The following TSPAN33 variants were observed in gnomAD, a reference collection of about 807,000 sequenced individuals.
The protein encoded by TSPAN33 is tetraspanin-33.
A neutral mutation model predicts 34.8 loss-of-function variants in TSPAN33; 27 were observed. The ratio of observed to expected loss-of-function variants is 0.78; its 90% CI spans 0.57 to 1.07. The LOEUF (loss-of-function observed/expected upper bound fraction) is 1.07, where lower values mean the gene tolerates loss of function less well. Among genes scored for constraint, TSPAN33 ranks in the 50% least tolerant of loss-of-function variants. The pLI is 0.00. For missense variants in TSPAN33, 272 were observed against 324.9 expected, an observed-to-expected ratio of 0.84 and a Z score of 1.25; for synonymous variants, 119 against 124.2, an observed-to-expected ratio of 0.96 and a Z score of 0.28.
rs1793169605 is a variant in TSPAN33, at chr7:129,167,933, T to G, written c.*59T>G. 6.3e-7 allele frequency: 1 copy of G among 1,590,264 alleles called. No individual in the cohort carries two copies. Among genetic ancestry groups the G allele is most frequent in the South Asian group, 1.1e-5 (1 of 87,856 alleles). On this transcript the variant is annotated 3_prime_UTR_variant, in exon 8 of 8. Transcript: ENST00000486685. This position sits in a 1 kb window ranked among gnomAD's most constrained non-coding sequence, Gnocchi z 4.6. ...GGCAAGCCTCATAAACGAACAGCAGTGGGTGCTGAAAGCAGCACCAAATGG... is the reference window on the plus strand; with the variant it reads ...GGCAAGCCTCATAAACGAACAGCAGGGGGTGCTGAAAGCAGCACCAAATGG...
At chr7:129,151,601 T>C (rs1810594451) in intron 1 of TSPAN33, among the ~76,000 whole-genome samples, 2 of 152,184 alleles carry the variant, frequency 1.3e-5, no homozygotes, top group South Asian at 4.1e-4. Context: ...TGGGCTAGAA[T>C]AAGGGTTTCT....
chr7:129,164,181 C>G (rs1029614590), intron 4 of TSPAN33, among the ~76,000 whole-genome samples: 1 of 152,140 alleles, frequency 6.6e-6, no homozygotes, highest in Non-Finnish European at 1.5e-5. Flanking sequence ...TTTTATCAGT[C>G]AACAAGTATT....
chr7:129,150,251 G>A (rs1219875400), intron 1 of TSPAN33, among the ~76,000 whole-genome samples: 1 of 152,190 alleles, frequency 6.6e-6, no homozygotes, highest in Non-Finnish European at 1.5e-5. Flanking sequence ...CCTGCTGGTG[G>A]CCCCACTGTG....
At chr7:129,152,860 A>G (rs558476283) in intron 1 of TSPAN33, among the ~76,000 whole-genome samples, 1 of 152,010 alleles carries the variant, frequency 6.6e-6, no homozygotes, top group East Asian at 1.9e-4. Flanking sequence ...GGAGTTCGAG[A>G]CCACCATGAC....
In TSPAN33 at chr7:129,165,226, C is replaced by T. The variant is rs1360314466; in HGVS notation, c.459+657C>T. Among the ~76,000 whole-genome samples the T allele has an allele frequency of 6.6e-6, 1 of 152,178 alleles. No homozygotes were observed. The highest frequency in any genetic ancestry group is 1.5e-5 in the Non-Finnish European group (1 of 68,034). On this transcript the variant is annotated intron_variant, in intron 5 of 7. Coordinates refer to ENST00000486685, the MANE Select transcript of TSPAN33 (RefSeq NM_178562.5). The surrounding 1 kb of genome is among the most constrained non-coding windows in gnomAD (Gnocchi z 4.5). ...ACTCTGTATCCATCAAACACTAACT[C>T]CCCATTTTCCTCTCTTGAAACTTTG...
At chr7:129,145,791 G>A (rs1195693956) in intron 1 of TSPAN33, among the ~76,000 whole-genome samples, 1 of 151,556 alleles carries the variant, frequency 6.6e-6, no homozygotes, top group East Asian at 2.0e-4. Context: ...CTGGGACTCC[G>A]GACACCTGGA....
rs1445726318 is a variant in TSPAN33 at position 129,148,376 on chromosome 7, C to T, written c.102+3294C>T. On this transcript the variant is annotated intron_variant, in intron 1 of 7. Coordinates refer to ENST00000486685, the MANE Select transcript of TSPAN33 (RefSeq NM_178562.5). This position sits in a 1 kb window ranked among gnomAD's most constrained non-coding sequence, Gnocchi z 4.2. Reference sequence around the variant, plus strand: ...CAATTGTGTTTACTTCTCCGTCTCCCCCTCTAGACTTCGGGCTCTCGAGGG... The same window carrying T: ...CAATTGTGTTTACTTCTCCGTCTCCTCCTCTAGACTTCGGGCTCTCGAGGG... Among the ~76,000 whole-genome samples, 1 of 152,224 alleles carries T rather than the reference C, an allele frequency of 6.6e-6. No individual in the cohort carries two copies. Among genetic ancestry groups the T allele is most frequent in the Non-Finnish European group, 1.5e-5 (1 of 68,048 alleles).
intron 6 of TSPAN33, 83 bp downstream of exon 6, chr7:129,166,989 C>T (rs1319486925): frequency 6.7e-7 from 1 of 1,487,834 alleles, no homozygotes; most frequent in Non-Finnish European, 9.2e-7. Flanking sequence ...TGGGGATCCC[C>T]ATCCCCTAGC....
intron 4 of TSPAN33, 50 bp downstream of exon 4, chr7:129,162,957 A>G (rs1793075184): frequency 1.3e-6 from 2 of 1,572,638 alleles, no homozygotes; most frequent in Non-Finnish European, 1.7e-6. Flanking sequence ...AGAGGGAGGA[A>G]GGAAGGTTCC....
chr7:129,150,378 T>G (rs541710536), intron 1 of TSPAN33, among the ~76,000 whole-genome samples: 18 of 152,276 alleles, frequency 1.2e-4, no homozygotes, highest in African/African-American at 4.3e-4. Context: ...TTCCCCTGCC[T>G]GAAAACCAGC....
intron 1 of TSPAN33, among the ~76,000 whole-genome samples, chr7:129,156,435 G>C (rs925196148): frequency 1.3e-5 from 2 of 152,184 alleles, no homozygotes; most frequent in Admixed American, 1.3e-4. Flanking sequence ...CACTGAAGGA[G>C]TAAGGAGTTA....
At chr7:129,155,888 ATTATTTTTATTT>A (rs1260956337) in intron 1 of TSPAN33, among the ~76,000 whole-genome samples, 1 of 151,708 alleles carries the variant, frequency 6.6e-6, no homozygotes, top group Admixed American at 6.6e-5. Context: ...CCATACTCAG[ATTATTTTTATTT>A]TTATTTTTAT....
In TSPAN33 at chr7:129,164,492, G is replaced by C; in HGVS notation, c.382G>C (p.Glu128Gln). Residue 128 changes from glutamate (E) to glutamine (Q), a missense_variant, in exon 5 of 8, where the codon GAG (glutamate) becomes CAG (glutamine). Physicochemically the swap from Glu to Gln is conservative, Grantham distance 29. Coordinates refer to ENST00000486685, the MANE Select transcript of TSPAN33 (RefSeq NM_178562.5). The stretch of plus-strand genomic sequence containing the variant: ...CCGGCAGGCTCGAGGGAAAGTGAGT[G>C]AGATCATCAACAATGCCATTGTGCA... ...FSDKARGKVS[E>Q]IINNAIVHYR... The C allele has an allele frequency of 6.2e-7, 1 of 1,614,074 alleles. No homozygotes were observed. The highest frequency in any genetic ancestry group is 8.5e-7 in the Non-Finnish European group (1 of 1,180,000).
chr7:129,153,697 TTC>T (rs1330988578), intron 1 of TSPAN33, among the ~76,000 whole-genome samples: 1 of 152,156 alleles, frequency 6.6e-6, no homozygotes, highest in Non-Finnish European at 1.5e-5. Flanking sequence ...TCCCAGCACT[TTC>T]AGAGGCCATG....
rs181026439 is a variant in TSPAN33, at chr7:129,166,617, G to A, written c.460-161G>A. ...GAAGTGAGAATATCTTCAGGCGAAG[G>A]CAACTGGGAAGCTGGAGCTCAAAGT... On this transcript the variant is annotated intron_variant, in intron 5 of 7. Transcript: ENST00000486685. The A allele has an allele frequency of 4.1e-4, 294 of 725,070 alleles. 1 individual carries two copies. In the African/African-American group the frequency reaches 4.6e-3, roughly 11 times the overall value. The allele number at this position is 725,070 out of a possible 1,614,324, so 44.9% of individuals were successfully genotyped here. A position where few individuals can be genotyped will look rare whatever the true frequency, so the allele number is the denominator to read the frequency against.
Position 129,161,679 on chromosome 7 carries a change from G to A in TSPAN33, c.103G>A (p.Val35Met). Residue 35 changes from valine (V) to methionine (M), a missense_variant and splice_region_variant, in exon 2 of 8, where the codon GTG becomes ATG. Physicochemically the swap from Val to Met is conservative, Grantham distance 21. Transcript: ENST00000486685. The stretch of plus-strand genomic sequence containing the variant: ...TCTGGCTCTTTTCCTGTCTCCACAG[G>A]TGATTTCCATGGTGATGGTGGCTGT... ...LLFFFNMLFWVISMVMVAVGV... is the reference protein window; with the variant it reads ...LLFFFNMLFWMISMVMVAVGV... 1 of 1,614,138 alleles carries A rather than the reference G, an allele frequency of 6.2e-7. No homozygotes were observed. Among genetic ancestry groups the A allele is most frequent in the Non-Finnish European group, 8.5e-7 (1 of 1,179,998 alleles).
intron 1 of TSPAN33, 46 bp downstream of exon 1, chr7:129,145,128 G>C: frequency 1.6e-6 from 1 of 634,160 alleles, no homozygotes; most frequent in Non-Finnish European, 2.9e-6. Context: ...GTCCCCCCGC[G>C]GGGTGGAAGG....
intron 4 of TSPAN33, among the ~76,000 whole-genome samples, chr7:129,163,454 T>A (rs186293689): frequency 6.6e-6 from 1 of 151,514 alleles, no homozygotes; most frequent in Non-Finnish European, 1.5e-5. Context: ...CTCCTAAGTC[T>A]CTGGGATTAC....
chr7:129,151,118 ATTTATTTG>A (rs1015553491), intron 1 of TSPAN33, among the ~76,000 whole-genome samples: 3 of 151,630 alleles, frequency 2.0e-5, no homozygotes, highest in African/African-American at 7.3e-5. Flanking sequence ...TTATTTACGT[ATTTATTTG>A]TTTATTTGTT....
Sources: allele counts gnomAD v4.1 joint callset (sites outside exome capture counted in the v4.1 genomes callset), GRCh38; gene constraint gnomAD v4.1.1; non-coding constraint Gnocchi (gnomAD v3.1); transcripts MANE v1.5; gene names NCBI Gene and HGNC (gene_info 2026-07-23, HGNC 2026-07-21).